Variants in SPTBN4 observed in about 807,000 individuals in gnomAD.
The protein encoded by SPTBN4 is spectrin beta chain, non-erythrocytic 4.
A neutral mutation model predicts 277.8 loss-of-function variants in SPTBN4; 96 were observed. The observed-to-expected ratio is 0.35, with a 90% CI of 0.29 to 0.41. SPTBN4 has a LOEUF of 0.41. Ranked by LOEUF, SPTBN4 falls within the 10% of genes least tolerant of loss-of-function variation. SPTBN4 has a pLI of 1.00. For synonymous variants in SPTBN4, 1,481 were observed against 1,580.3 expected (o/e 0.94, Z 1.49); for missense variants, 3,006 against 3,595.7 (o/e 0.84, Z 4.19).
At chr19:40,487,258 T>A (rs920695063) in intron 2 of SPTBN4, among the ~76,000 whole-genome samples, 1 of 151,938 alleles carries the variant, frequency 6.6e-6, no homozygotes, top group Non-Finnish European at 1.5e-5. Flanking sequence ...GCCAGGCTGG[T>A]CTTGAACTCC....
At chr19:40,550,392 G>A (rs2080905288) in intron 22 of SPTBN4, 65 bp downstream of exon 22, 4 of 1,509,852 alleles carry the variant, frequency 2.6e-6, no homozygotes, top group Admixed American at 1.8e-5. Context: ...AACAGCTGAA[G>A]GTGGTTAAAG....
chr19:40,484,697 G>A (rs774404107), intron 2 of SPTBN4, among the ~76,000 whole-genome samples: 2 of 151,896 alleles, frequency 1.3e-5, no homozygotes, highest in African/African-American at 2.4e-5. Context: ...GGAGGCCAAG[G>A]GGGGTGGATC....
chr19:40,547,006 T>C lies in SPTBN4; in HGVS notation c.4360-2183T>C, dbSNP rs181430176. ...ATTTGCCTTCTAACTCTATGAAATT[T>C]TGGTTGATGCAGAAGTATTTTTTAA... On this transcript the variant is annotated intron_variant, in intron 20 of 35. Coordinates refer to ENST00000598249, the MANE Select transcript of SPTBN4 (RefSeq NM_020971.3). Among the ~76,000 whole-genome samples the C allele has an allele frequency of 2.6e-5, 4 of 151,142 alleles. No individual in the cohort carries two copies. In the East Asian group the frequency reaches 7.7e-4, roughly 29 times the overall value.
Position 40,502,174 on chromosome 19 carries a change from A to G in SPTBN4, c.944A>G (p.Glu315Gly), listed in dbSNP as rs764909152. The G allele has an allele frequency of 1.2e-5, 19 of 1,613,974 alleles. No homozygotes were observed. Among genetic ancestry groups the G allele is most frequent in the Non-Finnish European group, 1.5e-5 (18 of 1,180,032 alleles). ...LEVGKIIERY[E>G]ELAAELLAWI... ...GTGGGGAAGATCATAGAACGCTACG[A>G]GGAGCTGGCGGCTGAGCTGCTGGCC... The change falls in exon 9 of 36, where the codon GAG becomes GGG. Residue 315 changes from glutamate (E) to glycine (G), a missense_variant. Transcript: ENST00000598249. This position sits in a 1 kb window ranked among gnomAD's most constrained non-coding sequence, Gnocchi z 4.9.
rs752784997 is a variant in SPTBN4 at position 40,534,232 on chromosome 19, G to T, written c.4248G>T (p.Val1416=). Residue 1416 remains valine, a synonymous_variant, in exon 20 of 36, where the codon GTG becomes GTT. Coordinates refer to ENST00000598249, the MANE Select transcript of SPTBN4 (RefSeq NM_020971.3). ...AGGCCAGCAAAGCAGACCAGCTGGT[G>T]CAGAGCTTTGCTGAGCTGGACAAGA... ...LFEASKADQL[V]QSFAELDKKL... 1.8e-5 allele frequency: 29 copies of T among 1,614,010 alleles called. No homozygotes were observed. Among genetic ancestry groups the T allele is most frequent in the African/African-American group, 2.7e-5 (2 of 74,960 alleles).
In SPTBN4 at chr19:40,560,053, G is replaced by A; in HGVS notation, c.5671-106G>A. On this transcript the variant is annotated intron_variant, in intron 26 of 35. Transcript: ENST00000598249. The surrounding 1 kb of genome is among the most constrained non-coding windows in gnomAD (Gnocchi z 5.2). ...AGGAGCCTGGCTGTGGGATCACAGT[G>A]TGAGGCTCCTTATATCTTGAGGTTC... The A allele has an allele frequency of 1.4e-6, 2 of 1,443,220 alleles. No homozygotes were observed. The highest frequency in any genetic ancestry group is 1.8e-6 in the Non-Finnish European group (2 of 1,102,624). 89.4% of individuals were successfully genotyped at this position (1,443,220 alleles called of 1,614,324 possible).
Position 40,566,319 on chromosome 19 carries a change from C to A in SPTBN4, c.6296C>A (p.Ala2099Asp). 6.3e-7 allele frequency: 1 copy of A among 1,592,138 alleles called. No homozygotes were observed. Among genetic ancestry groups the A allele is most frequent in the Non-Finnish European group, 8.6e-7 (1 of 1,169,526 alleles). The change falls in exon 30 of 36, where the codon GCC becomes GAC. Residue 2099 changes from alanine to aspartate, a missense_variant. Physicochemically the swap from Ala to Asp is moderately radical, Grantham distance 126 (BLOSUM62 -2). Coordinates refer to ENST00000598249, the MANE Select transcript of SPTBN4 (RefSeq NM_020971.3). ...RHEAFRKAAA[A>D]WEERFSSLRR... ...GAGGCCTTCCGCAAAGCGGCTGCAG[C>A]CTGGGAAGAGAGGTTCAGCTCTCTG... is the stretch of plus-strand genomic sequence containing the variant.
chr19:40,504,395 G>A (rs1016614353), intron 12 of SPTBN4, among the ~76,000 whole-genome samples: 5 of 152,130 alleles, frequency 3.3e-5, no homozygotes, highest in South Asian at 2.1e-4. Context: ...TGCTGGACAC[G>A]GTGGCTCACA....
rs35237688 is a variant in SPTBN4, at chr19:40,491,713, CAAAA to C, written c.496-1228_496-1225del. ...TGGGTAATAGATAGAGACTCTGTCT[CAAAA>C]AAAAAAAAAAAAAAAAAAAAAGTGA... On this transcript the variant is annotated intron_variant, in intron 4 of 35. Transcript: ENST00000598249. Among the ~76,000 whole-genome samples, 338 of 38,764 alleles carry C rather than the reference CAAAA, an allele frequency of 8.7e-3. 1 individual carries two copies. The highest frequency in any genetic ancestry group is 0.039 in the African/African-American group (299 of 7,598). The allele number at this position is 38,764 out of a possible 152,430, so 25.4% of individuals were successfully genotyped here. A position where few individuals can be genotyped will look rare whatever the true frequency, so the allele number is the denominator to read the frequency against.
intron 16 of SPTBN4, among the ~76,000 whole-genome samples, chr19:40,522,695 C>T (rs983421685): frequency 3.3e-5 from 5 of 152,010 alleles, no homozygotes; most frequent in Admixed American, 2.6e-4. Flanking sequence ...CTGTGCTGGG[C>T]GCTATTTTGG....
chr19:40,568,113 C>T lies in SPTBN4; in HGVS notation c.6787C>T (p.Arg2263Trp). Residue 2263 changes from arginine to tryptophan, a missense_variant, in exon 31 of 36, where the codon CGG becomes TGG. This residue lies in a region of SPTBN4 where 630 missense variants were observed against 677.6 expected (regional missense o/e 0.93). Coordinates refer to ENST00000598249, the MANE Select transcript of SPTBN4 (RefSeq NM_020971.3). ...ESVDQSEEAA[R>W]RRRPERQESA... Reference sequence around the variant, plus strand: ...AGTCGATCAATCCGAGGAGGCTGCGCGGAGGCGGCGGCCGGAGCGGCAGGA... The same window carrying T: ...AGTCGATCAATCCGAGGAGGCTGCGTGGAGGCGGCGGCCGGAGCGGCAGGA... The T allele has an allele frequency of 6.4e-7, 1 of 1,570,550 alleles. No individual in the cohort carries two copies. The highest frequency in any genetic ancestry group is 1.3e-5 in the African/African-American group (1 of 74,222).
intron 27 of SPTBN4, among the ~76,000 whole-genome samples, chr19:40,562,105 T>C (rs949637825): frequency 8.6e-5 from 13 of 150,966 alleles, no homozygotes; most frequent in Admixed American, 8.6e-4. Flanking sequence ...GAGTGTAGGG[T>C]GAGAGGAAGT....
intron 27 of SPTBN4, among the ~76,000 whole-genome samples, chr19:40,565,126 G>A (rs376769810): frequency 4.0e-4 from 61 of 151,722 alleles, no homozygotes; most frequent in African/African-American, 1.4e-3. Flanking sequence ...TTATCTGGGC[G>A]TGGTGGCAGG....
chr19:40,475,701 A>C (rs2079939244), intron 2 of SPTBN4, among the ~76,000 whole-genome samples: 1 of 149,716 alleles, frequency 6.7e-6, no homozygotes, highest in South Asian at 2.2e-4. Context: ...GGCTCGGGCA[A>C]TCTGCCCACC....
intron 18 of SPTBN4, 138 bp downstream of exon 18, chr19:40,529,269 C>G (rs1239291812): frequency 6.5e-6 from 5 of 771,414 alleles, no homozygotes; most frequent in African/African-American, 1.8e-5. Flanking sequence ...CCAGGGGGCG[C>G]GCGGAGCCGG....
At chr19:40,532,806 G>C (rs1280270789) in intron 19 of SPTBN4, 35 bp downstream of exon 19, 2 of 1,581,460 alleles carry the variant, frequency 1.3e-6, no homozygotes, top group Admixed American at 1.7e-5. Flanking sequence ...CCTGTGCCAG[G>C]TGCAGGAGGC....
In SPTBN4 at chr19:40,519,273, T is replaced by G; in HGVS notation, c.2904-128T>G. ...GGTTCCATTTTACACCGGCAGAAAC[T>G]GGAGAAACTTTCTGAGGTCACACAG... On this transcript the variant is annotated intron_variant, in intron 15 of 35. Coordinates refer to ENST00000598249, the MANE Select transcript of SPTBN4 (RefSeq NM_020971.3). This position sits in a 1 kb window ranked among gnomAD's most constrained non-coding sequence, Gnocchi z 5.7. 1.0e-6 allele frequency: 1 copy of G among 969,206 alleles called. No individual in the cohort carries two copies. The highest frequency in any genetic ancestry group is 1.4e-6 in the Non-Finnish European group (1 of 719,402). The allele number at this position is 969,206 out of a possible 1,614,324, so 60.0% of individuals were successfully genotyped here.
chr19:40,554,302 C>T lies in SPTBN4; in HGVS notation c.4830C>T (p.Ala1610=), dbSNP rs1169517375. ...QSAWAGLREA[A]ERRQQVLDAA... is the part of the protein sequence containing the mutation. ...CCTGGGCCGGACTGCGGGAGGCTGCCGAGCGACGGCAGCAGGTGCTGGACG... is the reference window on the plus strand; with the variant it reads ...CCTGGGCCGGACTGCGGGAGGCTGCTGAGCGACGGCAGCAGGTGCTGGACG... Residue 1610 remains alanine (A), a synonymous_variant, in exon 23 of 36, where the codon GCC becomes GCT. Coordinates refer to ENST00000598249, the MANE Select transcript of SPTBN4 (RefSeq NM_020971.3). The surrounding 1 kb of genome is among the most constrained non-coding windows in gnomAD (Gnocchi z 5.7). The T allele has an allele frequency of 1.9e-6, 3 of 1,541,804 alleles. No homozygotes were observed. The highest frequency in any genetic ancestry group is 2.4e-5 in the East Asian group (1 of 41,320).
intron 2 of SPTBN4, among the ~76,000 whole-genome samples, chr19:40,479,128 C>A (rs1255527233): frequency 6.6e-6 from 1 of 152,100 alleles, no homozygotes; most frequent in African/African-American, 2.4e-5. Flanking sequence ...GGCAGAGTCT[C>A]ACTCTGTCAC....
Sources: gnomAD v4.1 joint callset for allele counts (sites outside exome capture counted in the v4.1 genomes callset) on GRCh38, gnomAD v4.1.1 for gene constraint, gnomAD v4.1.1 regional missense constraint, Gnocchi (gnomAD v3.1) non-coding constraint, MANE v1.5 for transcripts, NCBI Gene and HGNC (gene_info 2026-07-23, HGNC 2026-07-21) for gene names.